The following MCMBP variants were observed in gnomAD, a reference collection of about 807,000 sequenced individuals.
MCMBP encodes the protein mini-chromosome maintenance complex-binding protein.
In MCMBP, 31 loss-of-function variants were observed where a neutral mutation model predicts 81.3. That is an observed-to-expected ratio of 0.38 (90% CI 0.29 to 0.51). MCMBP has a LOEUF of 0.51. MCMBP is among the 20% of genes least tolerant of loss of function. The pLI is 0.87. For missense variants in MCMBP, 645 were observed against 772.1 expected, an observed-to-expected ratio of 0.84 and a Z score of 1.95; for synonymous variants, 267 against 275.9, an observed-to-expected ratio of 0.97 and a Z score of 0.32.
chr10:119,844,200 A>G (rs1043758990), intron 8 of MCMBP, among the ~76,000 whole-genome samples: 3 of 152,208 alleles, frequency 2.0e-5, no homozygotes, highest in Admixed American at 6.5e-5. Context: ...TAATTCTTAC[A>G]TGATCCCTCG....
intron 1 of MCMBP, among the ~76,000 whole-genome samples, chr10:119,869,780 A>G (rs544424583): frequency 6.6e-6 from 1 of 152,166 alleles, no homozygotes; most frequent in Non-Finnish European, 1.5e-5. Context: ...AACGGATAAG[A>G]TACAGTGACC....
At chr10:119,848,753 G>C (rs1170669822) in intron 7 of MCMBP, among the ~76,000 whole-genome samples, 1 of 152,148 alleles carries the variant, frequency 6.6e-6, no homozygotes, top group African/African-American at 2.4e-5. Flanking sequence ...AAGTAAGATG[G>C]AAGAACAAAC....
At position 119,843,864 on chromosome 10, in the gene MCMBP, G is replaced by C. The variant is rs531279499; in HGVS notation, c.828-438C>G. On this transcript the variant is annotated intron_variant, in intron 8 of 15. Transcript: ENST00000369077. ...TTTAGTAGAGACAGGGTTTCACTAT[G>C]TTGGCCAGGCTGGTCTCGAACTCCT... Among the ~76,000 whole-genome samples the C allele has an allele frequency of 3.0e-4, 45 of 152,032 alleles. 1 individual carries two copies. The South Asian group carries it at 9.0e-3, about 30-fold the overall frequency.
chr10:119,842,764 CTCCT>C, intron 9 of MCMBP, 169 bp from the exon 10 acceptor site: 2 of 703,328 alleles, frequency 2.8e-6, no homozygotes, highest in South Asian at 2.2e-5. Flanking sequence ...AGTTTGCATC[CTCCT>C]TTTTTTTTTT....
rs774580575 is a variant in MCMBP, at chr10:119,832,112, G to C, written c.1708-12C>G. The C allele has an allele frequency of 1.2e-6, 2 of 1,607,750 alleles. No homozygotes were observed. The highest frequency in any genetic ancestry group is 2.7e-5 in the African/African-American group (2 of 74,528). On this transcript the variant is annotated splice_polypyrimidine_tract_variant and intron_variant, in intron 14 of 15. Coordinates refer to ENST00000369077, the MANE Select transcript of MCMBP (RefSeq NM_001256378.2). ...TCATCTTCAACTGCCTTTATCAAAAGAGTAAATGTAAATGATGTGCATTTT... is the reference window on the plus strand; with the variant it reads ...TCATCTTCAACTGCCTTTATCAAAACAGTAAATGTAAATGATGTGCATTTT...
intron 8 of MCMBP, among the ~76,000 whole-genome samples, chr10:119,846,550 G>A (rs1189347087): frequency 2.6e-5 from 4 of 152,188 alleles, no homozygotes; most frequent in Non-Finnish European, 5.9e-5. Context: ...AGTGAGAAAT[G>A]TAACTTTACA....
At chr10:119,861,731 A>G (rs1488831867) in intron 1 of MCMBP, among the ~76,000 whole-genome samples, 1 of 152,150 alleles carries the variant, frequency 6.6e-6, no homozygotes, top group East Asian at 1.9e-4. Flanking sequence ...ACTTGAATGT[A>G]TATAAATGCA....
At chr10:119,839,087 T>G (rs1852345914) in intron 11 of MCMBP, among the ~76,000 whole-genome samples, 1 of 152,252 alleles carries the variant, frequency 6.6e-6, no homozygotes, top group African/African-American at 2.4e-5. Context: ...GAGAAAAGCT[T>G]AATTTTCCTC....
At position 119,829,764 on chromosome 10, in the gene MCMBP, TCTTA is replaced by T. The variant is rs766979966; in HGVS notation, c.*1706_*1709del. 1.3e-5 allele frequency: 2 copies of T among 152,182 alleles called. No homozygotes were observed. Among genetic ancestry groups the T allele is most frequent in the Non-Finnish European group, 2.9e-5 (2 of 68,028 alleles). The allele number at this position is 152,182 out of a possible 1,614,324, so 9.4% of individuals were successfully genotyped here. A position where few individuals can be genotyped will look rare whatever the true frequency, so the allele number is the denominator to read the frequency against. On this transcript the variant is annotated 3_prime_UTR_variant, in exon 16 of 16. Coordinates refer to ENST00000369077, the MANE Select transcript of MCMBP (RefSeq NM_001256378.2). ...ACAGATCACATGGGATGGTGAATCT[TCTTA>T]CTCATGAAAAACAGCCCAAGGTACT...
At chr10:119,862,727 A>G (rs894724451) in intron 1 of MCMBP, among the ~76,000 whole-genome samples, 1 of 152,194 alleles carries the variant, frequency 6.6e-6, no homozygotes, top group East Asian at 1.9e-4. Context: ...AGTTGAGTAC[A>G]TGGTAAATGT....
At chr10:119,862,069 G>C (rs901847581) in intron 1 of MCMBP, among the ~76,000 whole-genome samples, 12 of 152,156 alleles carry the variant, frequency 7.9e-5, no homozygotes, top group African/African-American at 2.9e-4. Flanking sequence ...CACTTTGGGA[G>C]GCCAAGGCAG....
At chr10:119,837,777 C>T (rs1589776742) in intron 12 of MCMBP, among the ~76,000 whole-genome samples, 1 of 151,898 alleles carries the variant, frequency 6.6e-6, no homozygotes, top group Admixed American at 6.6e-5. Context: ...AGCAAGACTC[C>T]GTCTCAAAAC....
intron 1 of MCMBP, among the ~76,000 whole-genome samples, chr10:119,866,645 AGTG>A (rs1434844550): frequency 6.6e-6 from 1 of 152,046 alleles, no homozygotes; most frequent in Non-Finnish European, 1.5e-5. Context: ...AGAAAAAGAT[AGTG>A]GTGGTGATGG....
intron 1 of MCMBP, among the ~76,000 whole-genome samples, chr10:119,864,507 C>T (rs1853379389): frequency 7.2e-6 from 1 of 138,124 alleles, no homozygotes. Context: ...TCCTTTTTTT[C>T]TTTTCTACTA....
chr10:119,843,967 C>T (rs1415172332), intron 8 of MCMBP, among the ~76,000 whole-genome samples: 4 of 152,080 alleles, frequency 2.6e-5, no homozygotes, highest in East Asian at 3.9e-4. Context: ...TGGCCAGAAA[C>T]AATAATATTT....
intron 1 of MCMBP, among the ~76,000 whole-genome samples, chr10:119,872,094 T>G (rs1161785590): frequency 1.3e-5 from 2 of 152,118 alleles, no homozygotes; most frequent in African/African-American, 4.8e-5. Flanking sequence ...GCACCGGAAG[T>G]TTTGAAATAT....
intron 1 of MCMBP, among the ~76,000 whole-genome samples, chr10:119,866,137 T>C (rs150718638): frequency 0.014 from 2,117 of 147,898 alleles, 61 homozygotes; most frequent in African/African-American, 0.05. Context: ...TACTATGACA[T>C]GGATGAACCA....
upstream of MCMBP, chr10:119,873,492 CG>C (rs1222227943): frequency 6.6e-6 from 1 of 152,252 alleles, no homozygotes; most frequent in African/African-American, 2.4e-5. Context: ...AACACCGGGT[CG>C]GCGTCTGTCT....
intron 4 of MCMBP, among the ~76,000 whole-genome samples, chr10:119,858,525 A>T (rs77288025): frequency 4.1e-5 from 5 of 121,758 alleles, no homozygotes; most frequent in African/African-American, 1.6e-4. Context: ...TCTGTATTAT[A>T]GGCTGATTCT....
Sources: allele counts gnomAD v4.1 joint callset (sites outside exome capture counted in the v4.1 genomes callset), GRCh38; gene constraint gnomAD v4.1.1; transcripts MANE v1.5; gene names NCBI Gene and HGNC (gene_info 2026-07-23, HGNC 2026-07-21).